ROBO1: variants seen among roughly 807,000 people sequenced by gnomAD.
ROBO1 encodes the protein roundabout homolog 1.
In ROBO1, 149 loss-of-function variants were observed where a neutral mutation model predicts 195.9. The ratio of observed to expected loss-of-function variants is 0.76; its 90% CI spans 0.67 to 0.87. The LOEUF (loss-of-function observed/expected upper bound fraction) is 0.87. Among genes scored for constraint, ROBO1 ranks in the 40% least tolerant of loss-of-function variants. The probability of loss-of-function intolerance (pLI) is 0.00; values close to 1 mark genes in which losing one functional copy is unlikely to be tolerated. For missense variants in ROBO1, 1,933 were observed against 2,068.3 expected, an observed-to-expected ratio of 0.93 and a Z score of 1.27; for synonymous variants, 816 against 733.2, an observed-to-expected ratio of 1.11 and a Z score of -1.82.
chr3:78,668,991 T>C (rs1439864172), intron 11 of ROBO1, among the ~76,000 whole-genome samples: 1 of 152,186 alleles, frequency 6.6e-6, no homozygotes, highest in Non-Finnish European at 1.5e-5. Flanking sequence ...TATATTTAAC[T>C]ATATGGATAT....
At chr3:78,889,762 T>C (rs2036782454) in intron 4 of ROBO1, among the ~76,000 whole-genome samples, 1 of 147,334 alleles carries the variant, frequency 6.8e-6, no homozygotes, top group South Asian at 2.1e-4. Flanking sequence ...AAAAAGGATA[T>C]ATTTAGAAGT....
intron 2 of ROBO1, among the ~76,000 whole-genome samples, chr3:79,515,529 A>T (rs1160017749): frequency 6.6e-6 from 1 of 152,170 alleles, no homozygotes; most frequent in Non-Finnish European, 1.5e-5. Context: ...AACAATTCGT[A>T]TCCTTAGTGT....
chr3:79,448,456 A>G (rs1331562508), intron 2 of ROBO1, among the ~76,000 whole-genome samples: 1 of 152,094 alleles, frequency 6.6e-6, no homozygotes, highest in East Asian at 1.9e-4. Context: ...CCTCCATAAA[A>G]CCTAATATTT....
chr3:79,633,707 T>C (rs9841074), intron 1 of ROBO1, among the ~76,000 whole-genome samples: 131,951 of 151,862 alleles, frequency 0.87, 57,385 homozygotes, highest in East Asian at 0.9. Flanking sequence ...ATCTTTTATA[T>C]ACATACTTGA....
chr3:79,726,635 A>C (rs1164591443), intron 1 of ROBO1, among the ~76,000 whole-genome samples: 1 of 152,160 alleles, frequency 6.6e-6, no homozygotes, highest in East Asian at 1.9e-4. Flanking sequence ...TATTGGCATT[A>C]TCTCTAAAAA....
chr3:79,303,085 CATA>C (rs1463860399), intron 2 of ROBO1, among the ~76,000 whole-genome samples: 1 of 149,836 alleles, frequency 6.7e-6, no homozygotes, highest in Non-Finnish European at 1.5e-5. Flanking sequence ...TAATGTATAA[CATA>C]ATGTTTTAAA....
At chr3:78,957,531 G>A (rs1432921435) in intron 3 of ROBO1, among the ~76,000 whole-genome samples, 1 of 152,170 alleles carries the variant, frequency 6.6e-6, no homozygotes, top group East Asian at 1.9e-4. Flanking sequence ...AGAACTGCAT[G>A]CAACACGGTT....
intron 2 of ROBO1, among the ~76,000 whole-genome samples, chr3:79,145,698 G>T (rs2080634389): frequency 6.6e-6 from 1 of 151,910 alleles, no homozygotes; most frequent in Non-Finnish European, 1.5e-5. Context: ...GTCAGACAGT[G>T]GATTGTCCTG....
chr3:79,077,194 T>C (rs2079188996), intron 3 of ROBO1, among the ~76,000 whole-genome samples: 1 of 151,898 alleles, frequency 6.6e-6, no homozygotes, highest in African/African-American at 2.4e-5. Flanking sequence ...TCCCCATTTC[T>C]TCCACATTCC....
At chr3:78,996,551 T>A (rs186460782) in intron 3 of ROBO1, among the ~76,000 whole-genome samples, 2 of 152,110 alleles carry the variant, frequency 1.3e-5, no homozygotes, top group African/African-American at 4.8e-5. Context: ...CTCATCCTCA[T>A]GGAAGATTTG....
intron 4 of ROBO1, among the ~76,000 whole-genome samples, chr3:78,788,427 T>A (rs79926755): frequency 3.2e-5 from 1 of 30,894 alleles, no homozygotes; most frequent in Non-Finnish European, 7.6e-5. Context: ...CTCTCTTTTC[T>A]TTTTTTTTTT....
At chr3:79,128,623 A>G (rs2080261910) in intron 2 of ROBO1, among the ~76,000 whole-genome samples, 1 of 152,122 alleles carries the variant, frequency 6.6e-6, no homozygotes, top group South Asian at 2.1e-4. Flanking sequence ...CCAATAAGGC[A>G]TCTTTCAATA....
At chr3:79,006,756 GGAA>G (rs761118914) in intron 3 of ROBO1, among the ~76,000 whole-genome samples, 26 of 48,344 alleles carry the variant, frequency 5.4e-4, no homozygotes, top group Non-Finnish European at 6.0e-4. Flanking sequence ...ACAAAATATC[GGAA>G]AAAAAAAAAA....
chr3:79,280,515 T>C (rs2031423701), intron 2 of ROBO1, among the ~76,000 whole-genome samples: 1 of 152,120 alleles, frequency 6.6e-6, no homozygotes, highest in Non-Finnish European at 1.5e-5. Flanking sequence ...ACAGGGATCA[T>C]AATTTAAACT....
intron 4 of ROBO1, among the ~76,000 whole-genome samples, chr3:78,786,013 C>T (rs1055765491): frequency 6.6e-6 from 1 of 152,070 alleles, no homozygotes; most frequent in Admixed American, 6.5e-5. Context: ...AACTCTCAAT[C>T]CATCAAGAGT....
At chr3:78,840,443 C>T (rs182586688) in intron 4 of ROBO1, among the ~76,000 whole-genome samples, 14 of 152,082 alleles carry the variant, frequency 9.2e-5, no homozygotes, top group Admixed American at 5.2e-4. Context: ...AAGTGCCATG[C>T]ATGAGTATAA....
chr3:78,857,142 C>T (rs762494696), intron 4 of ROBO1, among the ~76,000 whole-genome samples: 4 of 151,902 alleles, frequency 2.6e-5, no homozygotes, highest in Admixed American at 6.6e-5. Context: ...TTAAAAATTG[C>T]TTTTTTAGGC....
intron 4 of ROBO1, among the ~76,000 whole-genome samples, chr3:78,824,803 A>G (rs1478617517): frequency 6.6e-6 from 1 of 152,184 alleles, no homozygotes; most frequent in African/African-American, 2.4e-5. Context: ...GCACATAGTA[A>G]TAAAGCACAG....
At chr3:79,050,396 C>A (rs2078674395) in intron 3 of ROBO1, among the ~76,000 whole-genome samples, 1 of 152,040 alleles carries the variant, frequency 6.6e-6, no homozygotes, top group Non-Finnish European at 1.5e-5. Flanking sequence ...AGATTCATAA[C>A]ACAAGTCCTT....
Sources: gnomAD v4.1 joint callset for allele counts (sites outside exome capture counted in the v4.1 genomes callset) on GRCh38, gnomAD v4.1.1 for gene constraint, MANE v1.5 for transcripts, NCBI Gene and HGNC (gene_info 2026-07-23, HGNC 2026-07-21) for gene names.